Variants in PLD5 observed in about 807,000 individuals in gnomAD.
PLD5 encodes the protein inactive phospholipase D5.
PLD5 carries 36 observed loss-of-function variants against 61.1 expected under a neutral mutation model. The ratio of observed to expected loss-of-function variants is 0.59; its 90% CI spans 0.45 to 0.78. The LOEUF (loss-of-function observed/expected upper bound fraction) is 0.78. Among genes scored for constraint, PLD5 ranks in the 30% least tolerant of loss-of-function variants. The probability of loss-of-function intolerance (pLI) is 0.00; values close to 1 mark genes in which losing one functional copy is unlikely to be tolerated. For missense variants in PLD5, 515 were observed against 644.4 expected, an observed-to-expected ratio of 0.80 and a Z score of 2.17; for synonymous variants, 243 against 242.8, an observed-to-expected ratio of 1.00 and a Z score of -0.01.
chr1:242,170,112 C>A (rs993472671), intron 5 of PLD5, among the ~76,000 whole-genome samples: 1 of 152,152 alleles, frequency 6.6e-6, no homozygotes, highest in Non-Finnish European at 1.5e-5. Flanking sequence ...TCAAGTTAGT[C>A]CTTGACTCTC....
chr1:242,325,296 G>A (rs1658676260), intron 2 of PLD5, among the ~76,000 whole-genome samples: 1 of 151,424 alleles, frequency 6.6e-6, no homozygotes. Context: ...CTGTAAAGCA[G>A]GGATCTAAAT....
intron 2 of PLD5, among the ~76,000 whole-genome samples, chr1:242,295,446 T>C (rs1441835299): frequency 6.6e-6 from 1 of 152,232 alleles, no homozygotes; most frequent in Non-Finnish European, 1.5e-5. Flanking sequence ...TCCAGCTGTA[T>C]CCACATTGGT....
chr1:242,505,478 TC>T (rs1354865287), intron 1 of PLD5, among the ~76,000 whole-genome samples: 3 of 152,168 alleles, frequency 2.0e-5, no homozygotes, highest in Non-Finnish European at 4.4e-5. Context: ...AACCTAAGTG[TC>T]CATCAACTGA....
chr1:242,497,760 G>A (rs1259167463), intron 1 of PLD5, among the ~76,000 whole-genome samples: 1 of 152,188 alleles, frequency 6.6e-6, no homozygotes, highest in Non-Finnish European at 1.5e-5. Flanking sequence ...GGGTCTTTAT[G>A]TGTCTCTTCA....
chr1:242,393,001 C>G (rs953792225), intron 1 of PLD5, among the ~76,000 whole-genome samples: 1 of 150,986 alleles, frequency 6.6e-6, no homozygotes, highest in African/African-American at 2.4e-5. Context: ...GTCAGGAGTT[C>G]GAGACCAGCC....
chr1:242,203,740 A>G (rs977981644), intron 5 of PLD5: 4 of 152,188 alleles, frequency 2.6e-5, no homozygotes, highest in African/African-American at 9.7e-5. Context: ...CAGCCTGCCA[A>G]AATGTGAGCC....
intron 5 of PLD5, chr1:242,188,643 G>A (rs1312021286): frequency 6.6e-6 from 1 of 152,222 alleles, no homozygotes; most frequent in Non-Finnish European, 1.5e-5. Flanking sequence ...ATCGCTTAAA[G>A]GCAACTATGG....
intron 8 of PLD5, among the ~76,000 whole-genome samples, chr1:242,106,413 G>A (rs548763839): frequency 1.2e-4 from 19 of 152,198 alleles, no homozygotes; most frequent in Non-Finnish European, 2.4e-4. Context: ...GAGGCAAGAT[G>A]AGTGAAATGG....
At chr1:242,374,818 G>A (rs1661853585) in intron 1 of PLD5, among the ~76,000 whole-genome samples, 1 of 152,158 alleles carries the variant, frequency 6.6e-6, no homozygotes, top group Non-Finnish European at 1.5e-5. Context: ...TTAAACTTAA[G>A]CCCAAAAATG....
intron 4 of PLD5, among the ~76,000 whole-genome samples, chr1:242,220,732 T>A (rs146205232): frequency 0.087 from 12,937 of 149,054 alleles, 725 homozygotes; most frequent in East Asian, 0.16. Flanking sequence ...TTATTTTATT[T>A]TATTTTATTT....
chr1:242,398,776 C>G (rs547862797), intron 1 of PLD5, among the ~76,000 whole-genome samples: 30 of 152,244 alleles, frequency 2.0e-4, no homozygotes, highest in South Asian at 1.9e-3. Context: ...GAACTTCCAG[C>G]GTTGCAAAAA....
At chr1:242,454,139 G>A (rs1036986072) in intron 1 of PLD5, among the ~76,000 whole-genome samples, 15 of 152,092 alleles carry the variant, frequency 9.9e-5, no homozygotes, top group African/African-American at 3.6e-4. Flanking sequence ...AGACCAGCCT[G>A]GTCAGCATGG....
chr1:242,287,848 T>C (rs1348439445), intron 3 of PLD5, among the ~76,000 whole-genome samples: 1 of 152,198 alleles, frequency 6.6e-6, no homozygotes, highest in South Asian at 2.1e-4. Flanking sequence ...ATAAGCATAT[T>C]TCTTTTTCCC....
At chr1:242,250,160 C>T (rs747444710) in intron 4 of PLD5, among the ~76,000 whole-genome samples, 69 of 152,192 alleles carry the variant, frequency 4.5e-4, no homozygotes, top group Non-Finnish European at 8.4e-4. Context: ...CAGAGAAAAA[C>T]GGTATACTCA....
intron 1 of PLD5, among the ~76,000 whole-genome samples, chr1:242,401,242 T>C (rs1475908036): frequency 1.3e-5 from 2 of 152,022 alleles, no homozygotes; most frequent in Admixed American, 6.6e-5. Context: ...CAAAACGTAT[T>C]CCAAAAGTGC....
intron 5 of PLD5, among the ~76,000 whole-genome samples, chr1:242,211,565 G>A (rs1258207792): frequency 6.6e-6 from 1 of 152,088 alleles, no homozygotes; most frequent in African/African-American, 2.4e-5. Context: ...ACTCTCTTCG[G>A]CTGCTGGTGC....
At chr1:242,465,394 T>C (rs1487525578) in intron 1 of PLD5, among the ~76,000 whole-genome samples, 1 of 152,244 alleles carries the variant, frequency 6.6e-6, no homozygotes, top group Non-Finnish European at 1.5e-5. Flanking sequence ...TTATAACCTA[T>C]AGTAGATTCT....
chr1:242,217,619 C>T (rs10926651), intron 5 of PLD5, among the ~76,000 whole-genome samples: 91,158 of 152,054 alleles, frequency 0.6, 29,687 homozygotes, highest in South Asian at 0.81. Flanking sequence ...TCCAAAACTC[C>T]ATCTCAAAAA....
chr1:242,470,686 A>G (rs1224959360), intron 1 of PLD5, among the ~76,000 whole-genome samples: 1 of 152,226 alleles, frequency 6.6e-6, no homozygotes, highest in Non-Finnish European at 1.5e-5. Flanking sequence ...GGAGAGGCAA[A>G]TGTAATTGAT....
Sources: gnomAD v4.1 joint callset for allele counts (sites outside exome capture counted in the v4.1 genomes callset) on GRCh38, gnomAD v4.1.1 for gene constraint, MANE v1.5 for transcripts, NCBI Gene and HGNC (gene_info 2026-07-23, HGNC 2026-07-21) for gene names.